Variants in TAF4 observed in about 807,000 individuals in gnomAD.
The protein encoded by TAF4 is TATA-box binding protein associated factor 4, also known as transcription initiation factor TFIID subunit 4.
A neutral mutation model predicts 90.3 loss-of-function variants in TAF4; 9 were observed. The observed-to-expected ratio is 0.10, with a 90% CI of 0.06 to 0.17. TAF4 has a LOEUF of 0.17. TAF4 is among the 10% of genes least tolerant of loss of function. The pLI is 1.00. For missense variants in TAF4, 1,351 were observed against 1,370.7 expected (o/e 0.99, Z 0.23); for synonymous variants, 818 against 638.9 (o/e 1.28, Z -4.23).
chr20:62,003,077 T>G (rs2055717494), intron 9 of TAF4, 83 bp downstream of exon 9: 1 of 1,215,834 alleles, frequency 8.2e-7, no homozygotes, highest in Non-Finnish European at 1.2e-6. Context: ...GAAAGACCCG[T>G]GGGCGGGAAT....
chr20:62,030,376 C>G (rs762986130), intron 1 of TAF4, among the ~76,000 whole-genome samples: 1 of 152,226 alleles, frequency 6.6e-6, no homozygotes, highest in Non-Finnish European at 1.5e-5. Context: ...AAGCCCAATA[C>G]TAATTTAGAT....
chr20:61,988,744 C>T (rs1443204364), intron 14 of TAF4, among the ~76,000 whole-genome samples: 2 of 152,282 alleles, frequency 1.3e-5, no homozygotes, highest in African/African-American at 2.4e-5. Context: ...AAACAGACGC[C>T]GGCGCCAATC....
chr20:62,015,199 C>T (rs1333479813), intron 1 of TAF4, among the ~76,000 whole-genome samples: 1 of 152,246 alleles, frequency 6.6e-6, no homozygotes, highest in Admixed American at 6.5e-5. Context: ...GGCCACGAGG[C>T]TCCTCACCAG....
intron 1 of TAF4, among the ~76,000 whole-genome samples, chr20:62,030,234 A>G (rs1362159274): frequency 6.6e-6 from 1 of 152,368 alleles, no homozygotes; most frequent in South Asian, 2.1e-4. Flanking sequence ...GGACACCTGC[A>G]TCTCCACAGT....
At chr20:62,040,589 G>A (rs2055958102) in intron 1 of TAF4, among the ~76,000 whole-genome samples, 1 of 152,270 alleles carries the variant, frequency 6.6e-6, no homozygotes, top group African/African-American at 2.4e-5. Context: ...GGTGCGCTCT[G>A]CCACGCGCCA....
At chr20:62,027,440 C>G (rs1026704878) in intron 1 of TAF4, among the ~76,000 whole-genome samples, 2 of 152,164 alleles carry the variant, frequency 1.3e-5, no homozygotes, top group African/African-American at 2.4e-5. Flanking sequence ...TCTGTCTCCC[C>G]CCTCAACGCA....
intron 1 of TAF4, among the ~76,000 whole-genome samples, chr20:62,049,817 G>T (rs996397594): frequency 2.9e-4 from 44 of 152,150 alleles, no homozygotes; most frequent in Admixed American, 2.4e-3. Flanking sequence ...TCATAGAAAT[G>T]CGAGCCTCAG....
At chr20:62,003,943 A>T in intron 7 of TAF4, 65 bp from the exon 8 acceptor site, 2 of 1,486,820 alleles carry the variant, frequency 1.3e-6, no homozygotes, top group Non-Finnish European at 1.8e-6. Flanking sequence ...CTCAGTCCCT[A>T]GCAGGAGGTT....
intron 1 of TAF4, among the ~76,000 whole-genome samples, chr20:62,044,272 T>C (rs1035505846): frequency 1.3e-5 from 2 of 152,180 alleles, no homozygotes; most frequent in Non-Finnish European, 1.5e-5. Context: ...AGAGATGATC[T>C]CCAGATTATA....
intron 1 of TAF4, among the ~76,000 whole-genome samples, chr20:62,060,921 G>A (rs891453124): frequency 3.3e-5 from 5 of 152,186 alleles, no homozygotes; most frequent in Non-Finnish European, 5.9e-5. Flanking sequence ...AAAAATGAGG[G>A]GAACTGGGAG....
At chr20:62,000,756 C>A (rs770613538) in intron 9 of TAF4, 35 bp from the exon 10 acceptor site, 2 of 1,610,074 alleles carry the variant, frequency 1.2e-6, no homozygotes, top group African/African-American at 1.3e-5. Flanking sequence ...TTTAACTGTA[C>A]AAGGAATTCA....
At position 62,006,583 on chromosome 20, in the gene TAF4, A is replaced by G; in HGVS notation, c.2150T>C (p.Leu717Pro). 6.3e-7 allele frequency: 1 copy of G among 1,596,114 alleles called. No homozygotes were observed. The highest frequency in any genetic ancestry group is 8.5e-7 in the Non-Finnish European group (1 of 1,173,748). The change falls in exon 7 of 15, where the codon CTC becomes CCC. Residue 717 changes from leucine (L) to proline (P), a missense_variant. Transcript: ENST00000252996. The surrounding 1 kb of genome is among the most constrained non-coding windows in gnomAD (Gnocchi z 7.0). ...GKTAATVTSA[L>P]QPPVLSLTQP... Reference sequence around the variant, plus strand: ...CGTGAGGCTGAGCACAGGGGGCTGGAGGGCACTGGTCACGGTGGCCGCCGT... The same window carrying G: ...CGTGAGGCTGAGCACAGGGGGCTGGGGGGCACTGGTCACGGTGGCCGCCGT...
At chr20:62,055,406 T>C (rs2056057615) in intron 1 of TAF4, among the ~76,000 whole-genome samples, 1 of 151,966 alleles carries the variant, frequency 6.6e-6, no homozygotes, top group Admixed American at 6.5e-5. Context: ...CACTGTGCAG[T>C]CCTGTGATAT....
rs1260355316 is a variant in TAF4, at chr20:62,003,180, C to T, written c.2466G>A (p.Glu822=). The T allele has an allele frequency of 6.2e-7, 1 of 1,614,186 alleles. No homozygotes were observed. The highest frequency in any genetic ancestry group is 8.5e-7 in the Non-Finnish European group (1 of 1,180,030). ...CTTACCGAAACGAACCTCCCCCAGG[C>T]TCCTTGAGTTTATTTTTCTGTGCAG... ...AAAAQKNKLK[E]PGGGSFRDDD... Residue 822 remains glutamate (E), a synonymous_variant, in exon 9 of 15, where the codon GAG becomes GAA. Coordinates refer to ENST00000252996, the MANE Select transcript of TAF4 (RefSeq NM_003185.4).
At chr20:62,050,780 C>A (rs1008499596) in intron 1 of TAF4, among the ~76,000 whole-genome samples, 5 of 152,116 alleles carry the variant, frequency 3.3e-5, no homozygotes, top group African/African-American at 9.7e-5. Context: ...GCAGAAAGGA[C>A]CTCTGCCGAG....
intron 1 of TAF4, among the ~76,000 whole-genome samples, chr20:62,035,099 C>T (rs577209793): frequency 4.6e-5 from 7 of 152,276 alleles, no homozygotes; most frequent in East Asian, 3.9e-4. Flanking sequence ...GGATTACAGG[C>T]GTGAGCCACC....
intron 1 of TAF4, among the ~76,000 whole-genome samples, chr20:62,053,133 C>T (rs368668008): frequency 3.9e-5 from 6 of 152,278 alleles, no homozygotes; most frequent in Admixed American, 6.5e-5. Flanking sequence ...GGCAGAGCTG[C>T]GTCTGGCCCA....
intron 14 of TAF4, among the ~76,000 whole-genome samples, chr20:61,982,804 A>G (rs1478785589): frequency 6.6e-6 from 1 of 152,220 alleles, no homozygotes; most frequent in Non-Finnish European, 1.5e-5. Context: ...CTCAGAGCCG[A>G]CGGCAGGGCT....
chr20:61,986,804 T>C (rs1017150886), intron 14 of TAF4, among the ~76,000 whole-genome samples: 8 of 152,234 alleles, frequency 5.3e-5, no homozygotes, highest in African/African-American at 1.9e-4. Context: ...AATTAACAAG[T>C]GGGAAAAATA....
Sources: gnomAD v4.1 joint callset for allele counts (sites outside exome capture counted in the v4.1 genomes callset) on GRCh38, gnomAD v4.1.1 for gene constraint, Gnocchi (gnomAD v3.1) non-coding constraint, MANE v1.5 for transcripts, NCBI Gene and HGNC (gene_info 2026-07-23, HGNC 2026-07-21) for gene names.